The following MGA variants were observed in gnomAD, a reference collection of about 807,000 sequenced individuals.
MGA encodes the protein MAX dimerization protein MGA.
MGA carries 40 observed loss-of-function variants against 261.1 expected under a neutral mutation model. The ratio of observed to expected loss-of-function variants is 0.15; its 90% CI spans 0.12 to 0.20. MGA has a LOEUF of 0.20. Ranked by LOEUF, MGA falls within the 10% of genes least tolerant of loss-of-function variation. The pLI is 1.00. For synonymous variants in MGA, 1,302 were observed against 1,290.6 expected, an observed-to-expected ratio of 1.01 and a Z score of -0.19; for missense variants, 3,397 against 3,630.5, an observed-to-expected ratio of 0.94 and a Z score of 1.65.
chr15:41,672,502 T>C (rs1472062531), intron 2 of MGA, among the ~76,000 whole-genome samples: 1 of 152,190 alleles, frequency 6.6e-6, no homozygotes, highest in Non-Finnish European at 1.5e-5. Flanking sequence ...TTACATATGG[T>C]TAAGCCTTTG....
intron 15 of MGA, among the ~76,000 whole-genome samples, chr15:41,743,936 A>G (rs2062269456): frequency 6.6e-6 from 1 of 152,234 alleles, no homozygotes. Context: ...AGATGCAACT[A>G]GCTAAAGTAA....
intron 15 of MGA, among the ~76,000 whole-genome samples, chr15:41,744,866 G>A (rs761207743): frequency 1.3e-5 from 2 of 151,846 alleles, no homozygotes; most frequent in African/African-American, 2.4e-5. Flanking sequence ...ATATGTAAAT[G>A]TGTGTGTGTT....
intron 2 of MGA, among the ~76,000 whole-genome samples, chr15:41,692,081 C>G (rs537534949): frequency 6.6e-6 from 1 of 151,882 alleles, no homozygotes; most frequent in Non-Finnish European, 1.5e-5. Flanking sequence ...TTATGTTGTC[C>G]CAGAGATCTC....
At position 41,674,857 on chromosome 15, in the gene MGA, A is replaced by G. The variant is rs914212202; in HGVS notation, c.1064+4899A>G. 1.8e-4 allele frequency among the ~76,000 whole-genome samples: 28 copies of G among 152,120 alleles called. 1 individual carries two copies. Among genetic ancestry groups the G allele is most frequent in the Admixed American group, 7.2e-4 (11 of 15,278 alleles). ...TTAAAGCCACTGATGTTTCTAGCTT[A>G]TTTGTCTCTCTTCTTAGTTCCAGAC... On this transcript the variant is annotated intron_variant, in intron 2 of 23. Coordinates refer to ENST00000219905, the MANE Select transcript of MGA (RefSeq NM_001164273.2).
intron 9 of MGA, among the ~76,000 whole-genome samples, chr15:41,723,942 T>C (rs1256766280): frequency 6.6e-6 from 1 of 151,996 alleles, no homozygotes; most frequent in Non-Finnish European, 1.5e-5. Flanking sequence ...GAAATATGAA[T>C]AATCATTCTT....
intron 1 of MGA, among the ~76,000 whole-genome samples, chr15:41,663,360 G>GTA (rs1045433551): frequency 9.2e-5 from 14 of 152,086 alleles, no homozygotes; most frequent in African/African-American, 3.4e-4. Context: ...GAATGTTAAG[G>GTA]TATATATATA....
rs533419732 is a variant in MGA, at chr15:41,631,755, GA to G, written c.-68+10465del. 5.2e-4 allele frequency among the ~76,000 whole-genome samples: 79 copies of G among 151,278 alleles called. No homozygotes were observed. The South Asian group carries it at 0.011, about 21-fold the overall frequency. ...TTCATTAAAGGCAACCAACTGAACA[GA>G]AAAAAAAGTATGTATTTTCATATTT... On this transcript the variant is annotated intron_variant, in intron 1 of 8. Transcript: ENST00000566718.
chr15:41,760,210 A>C, intron 19 of MGA, 113 bp from the exon 20 acceptor site: 1 of 968,582 alleles, frequency 1.0e-6, no homozygotes, highest in African/African-American at 1.6e-5. Context: ...AGGCTGTTAC[A>C]ACAGTCCAGA....
chr15:41,750,831 A>AAGG, intron 17 of MGA: 1 of 453,880 alleles, frequency 2.2e-6, no homozygotes, highest in South Asian at 4.0e-5. Context: ...GTTTTATGGG[A>AAGG]AGGCTGGCTT....
rs376097905 is a variant in MGA, at chr15:41,767,252, G to A, written c.9170G>A (p.Gly3057Glu). The A allele has an allele frequency of 4.3e-6, 7 of 1,612,426 alleles. No individual in the cohort carries two copies. The African/African-American group carries it at 6.7e-5, about 15-fold the overall frequency. The change falls in exon 24 of 24, where the codon GGG (glycine) becomes GAG (glutamate). Residue 3057 changes from glycine (G) to glutamate (E), a missense_variant. Gly to Glu is a moderately conservative substitution (Grantham distance 98, BLOSUM62 -2). Around this residue, in one of 9 missense-constraint regions of MGA, gnomAD observed 647 missense variants for 642.4 expected, o/e 1.01. Coordinates refer to ENST00000219905, the MANE Select transcript of MGA (RefSeq NM_001164273.2). ...GTTGTGGCTAAATTGGGCAACTCGGGGGCCTCACCAAGTTCTGCAGGGAAA... is the reference window on the plus strand; with the variant it reads ...GTTGTGGCTAAATTGGGCAACTCGGAGGCCTCACCAAGTTCTGCAGGGAAA...
In MGA at chr15:41,711,083, A is replaced by G. The variant is rs556860241; in HGVS notation, c.2818A>G (p.Lys940Glu). 2 of 1,614,050 alleles carry G rather than the reference A, an allele frequency of 1.2e-6. No individual in the cohort carries two copies. The highest frequency in any genetic ancestry group is 2.7e-5 in the African/African-American group (2 of 75,058). ...TGTGATTCTAGGAGATAAGGTTACC[A>G]AGAATTCTTCAGGCATCATCTCAGA... Residue 940 changes from lysine to glutamate, a missense_variant, in exon 8 of 24, where the codon AAG (lysine) becomes GAG (glutamate). By Grantham distance (56) the Lys-to-Glu change is moderately conservative. This residue lies in a region of MGA where 519 missense variants were observed against 554.1 expected (regional missense o/e 0.94). Coordinates refer to ENST00000219905, the MANE Select transcript of MGA (RefSeq NM_001164273.2).
rs183027301 is a variant in MGA, at chr15:41,685,594, G to A, written c.1065-10481G>A. ...CAAGGTATATATCTCTGTTTATTTA[G>A]ATCTTGTTTAGTTTATCTCAACCAT... On this transcript the variant is annotated intron_variant, in intron 2 of 23. Transcript: ENST00000219905. Among the ~76,000 whole-genome samples, 667 of 152,178 alleles carry A rather than the reference G, an allele frequency of 4.4e-3. 19 individuals carry two copies. The highest frequency in any genetic ancestry group is 0.04 in the Admixed American group (609 of 15,274).
chr15:41,658,104 T>C (rs1012208393), upstream of MGA, among the ~76,000 whole-genome samples: 1 of 152,236 alleles, frequency 6.6e-6, no homozygotes, highest in African/African-American at 2.4e-5. Flanking sequence ...CAAAACTGTG[T>C]ACATTCTAGG....
At position 41,736,718 on chromosome 15, in the gene MGA, T is replaced by A. The variant is rs1486236112; in HGVS notation, c.4434+20T>A. 1 of 1,570,982 alleles carries A rather than the reference T, an allele frequency of 6.4e-7. No homozygotes were observed. The highest frequency in any genetic ancestry group is 8.6e-7 in the Non-Finnish European group (1 of 1,159,724). ...ATCCAGGTGAGAATTATCTTTAATC[T>A]GGGTATAGCACCTTTGTATACACCT... On this transcript the variant is annotated intron_variant, in intron 13 of 23. Transcript: ENST00000219905.
intron 17 of MGA, chr15:41,751,717 T>G (rs1474787151): frequency 6.6e-6 from 1 of 151,154 alleles, no homozygotes; most frequent in Non-Finnish European, 1.5e-5. Flanking sequence ...AGAACAAAAC[T>G]CTGTCTCGGG....
intron 9 of MGA, among the ~76,000 whole-genome samples, chr15:41,715,100 G>A (rs1304131113): frequency 1.5e-5 from 2 of 137,866 alleles, no homozygotes; most frequent in Admixed American, 7.2e-5. Context: ...AGCAGTGATA[G>A]TTAAACTTGG....
intron 15 of MGA, among the ~76,000 whole-genome samples, chr15:41,745,760 A>T (rs1157023262): frequency 6.8e-6 from 1 of 147,328 alleles, no homozygotes; most frequent in Non-Finnish European, 1.5e-5. Flanking sequence ...TTGTGCCACC[A>T]CACCTGGTTA....
chr15:41,754,613 C>T, intron 18 of MGA, 46 bp downstream of exon 18: 2 of 1,491,280 alleles, frequency 1.3e-6, no homozygotes, highest in Non-Finnish European at 1.8e-6. Flanking sequence ...AGTTTTGTAA[C>T]CAGAAACAAA....
intron 13 of MGA, among the ~76,000 whole-genome samples, chr15:41,737,680 A>G (rs1312177543): frequency 6.6e-6 from 1 of 152,156 alleles, no homozygotes; most frequent in Non-Finnish European, 1.5e-5. Flanking sequence ...TTAATGTCAT[A>G]GTCAGAAAAG....
Sources: gnomAD v4.1 joint callset for allele counts (sites outside exome capture counted in the v4.1 genomes callset) on GRCh38, gnomAD v4.1.1 for gene constraint, gnomAD v4.1.1 regional missense constraint, MANE v1.5 for transcripts, NCBI Gene and HGNC (gene_info 2026-07-23, HGNC 2026-07-21) for gene names.